The following NEDD9 variants were observed in gnomAD, a reference collection of about 807,000 sequenced individuals.
The protein encoded by NEDD9 is enhancer of filamentation 1.
In NEDD9, 26 loss-of-function variants were observed where a neutral mutation model predicts 76.6. That is an observed-to-expected ratio of 0.34 (90% CI 0.25 to 0.47). The LOEUF (loss-of-function observed/expected upper bound fraction) is 0.47, where lower values mean the gene tolerates loss of function less well. Among genes scored for constraint, NEDD9 ranks in the 20% least tolerant of loss-of-function variants. The pLI, the probability that NEDD9 is intolerant of heterozygous loss-of-function variation, is 1.00. For synonymous variants in NEDD9, 392 were observed against 414.2 expected, an observed-to-expected ratio of 0.95 and a Z score of 0.65; for missense variants, 937 against 1,058.5, an observed-to-expected ratio of 0.89 and a Z score of 1.59.
At chr6:11,284,456 C>T (rs140048483) in intron 3 of NEDD9, among the ~76,000 whole-genome samples, 1,686 of 147,574 alleles carry the variant, frequency 0.011, 35 homozygotes, top group African/African-American at 0.04. Context: ...GTCCCAGCTA[C>T]TAGGGAGGCT....
chr6:11,368,336 G>C (rs1328201153), intron 1 of NEDD9, among the ~76,000 whole-genome samples: 1 of 152,204 alleles, frequency 6.6e-6, no homozygotes, highest in African/African-American at 2.4e-5. Context: ...CATTAGCACA[G>C]AAAAATTAAG....
intron 3 of NEDD9, among the ~76,000 whole-genome samples, chr6:11,268,598 G>T (rs12213762): frequency 6.6e-6 from 1 of 151,642 alleles, no homozygotes. Context: ...CGTGATGGCA[G>T]GCACCTGTAA....
chr6:11,355,909 G>C (rs192871367), intron 1 of NEDD9, among the ~76,000 whole-genome samples: 1 of 151,964 alleles, frequency 6.6e-6, no homozygotes, highest in Admixed American at 6.6e-5. Context: ...TTTTAGTAGA[G>C]ACGGGGTTTC....
At chr6:11,364,442 G>A (rs949559614) in intron 1 of NEDD9, among the ~76,000 whole-genome samples, 2 of 152,108 alleles carry the variant, frequency 1.3e-5, no homozygotes, top group African/African-American at 4.8e-5. Context: ...GGGTGGCCTT[G>A]GGAATTCCCC....
chr6:11,194,974 A>G (rs1202618078), intron 2 of NEDD9, among the ~76,000 whole-genome samples: 1 of 152,224 alleles, frequency 6.6e-6, no homozygotes, highest in African/African-American at 2.4e-5. Flanking sequence ...TGCCCACGAC[A>G]TCTTTGAGGA....
At chr6:11,232,431 A>G in intron 1 of NEDD9, 73 bp downstream of exon 1, 1 of 1,568,996 alleles carries the variant, frequency 6.4e-7, no homozygotes, top group African/African-American at 1.3e-5. Flanking sequence ...AGTAAGGAAC[A>G]CGCATACACA....
At chr6:11,287,386 T>C (rs4711226) in intron 3 of NEDD9, among the ~76,000 whole-genome samples, 35,312 of 151,934 alleles carry the variant, frequency 0.23, 5,332 homozygotes, top group African/African-American at 0.44. Context: ...TGAAATGGTG[T>C]CACTGTATGC....
chr6:11,255,860 G>C (rs1162105339), intron 3 of NEDD9, among the ~76,000 whole-genome samples: 6 of 152,162 alleles, frequency 3.9e-5, no homozygotes, highest in African/African-American at 1.4e-4. Flanking sequence ...AAGGGAACCA[G>C]AGAGCTATAA....
chr6:11,209,180 G>A (rs1010224767), intron 2 of NEDD9, among the ~76,000 whole-genome samples: 1 of 152,126 alleles, frequency 6.6e-6, no homozygotes, highest in African/African-American at 2.4e-5. Flanking sequence ...TGACCTAAAT[G>A]TTTATTAATT....
At chr6:11,255,423 G>A (rs1759984680) in intron 3 of NEDD9, among the ~76,000 whole-genome samples, 1 of 152,226 alleles carries the variant, frequency 6.6e-6, no homozygotes, top group African/African-American at 2.4e-5. Context: ...GGTGGTGTAT[G>A]AGGCATGATC....
rs1268995832 is a variant in NEDD9 at position 11,370,516 on chromosome 6, C to T, written c.-214+11623G>A. ...TTCCCTCACCGACCCACTAGGTGCA[C>T]AAGGCTCTCCTCAAGCCGCCTTTTC... On this transcript the variant is annotated intron_variant, in intron 1 of 3. Transcript: ENST00000397378. This position sits in a 1 kb window ranked among gnomAD's most constrained non-coding sequence, Gnocchi z 4.2. 6.6e-6 allele frequency among the ~76,000 whole-genome samples: 1 copy of T among 152,164 alleles called. No individual in the cohort carries two copies. The highest frequency in any genetic ancestry group is 1.5e-5 in the Non-Finnish European group (1 of 68,018).
chr6:11,368,442 A>G (rs1300354266), intron 1 of NEDD9, among the ~76,000 whole-genome samples: 1 of 152,178 alleles, frequency 6.6e-6, no homozygotes, highest in East Asian at 1.9e-4. Flanking sequence ...ATACGCTACT[A>G]ATCAACACAC....
At chr6:11,188,501 A>G (rs1367621134) in intron 5 of NEDD9, among the ~76,000 whole-genome samples, 194 bp from the exon 6 acceptor site, 1 of 152,196 alleles carries the variant, frequency 6.6e-6, no homozygotes, top group African/African-American at 2.4e-5. Flanking sequence ...ATAGGGTGCC[A>G]GCTTTCTGGG....
At chr6:11,228,622 AG>A (rs5874312) in intron 1 of NEDD9, among the ~76,000 whole-genome samples, 127,814 of 151,846 alleles carry the variant, frequency 0.84, 53,962 homozygotes, top group East Asian at 0.92. Flanking sequence ...TTCTGAGAAC[AG>A]GGACTGACGT....
At chr6:11,329,355 C>T (rs977756813) in intron 2 of NEDD9, among the ~76,000 whole-genome samples, 3 of 152,158 alleles carry the variant, frequency 2.0e-5, no homozygotes, top group Admixed American at 2.0e-4. Context: ...GAGTGAAGCC[C>T]GGGGCAACTC....
Position 11,232,602 on chromosome 6 carries a change from G to C in NEDD9, c.-87C>G. The C allele has an allele frequency of 6.2e-7, 1 of 1,609,348 alleles. No homozygotes were observed. Among genetic ancestry groups the C allele is most frequent in the Non-Finnish European group, 8.5e-7 (1 of 1,177,826 alleles). On this transcript the variant is annotated 5_prime_UTR_variant, in exon 1 of 7. Coordinates refer to ENST00000379446, the MANE Select transcript of NEDD9 (RefSeq NM_006403.4). ...TGCCCGCCCCTCCATTGAGTGCAGC[G>C]CTAGATGAAAGCGAGAAGGTCCCGG...
chr6:11,347,291 C>A (rs1762380647), intron 1 of NEDD9, among the ~76,000 whole-genome samples: 1 of 152,130 alleles, frequency 6.6e-6, no homozygotes, highest in Non-Finnish European at 1.5e-5. Context: ...AATCCCCAGC[C>A]TCCTACAAAC....
chr6:11,374,692 G>A (rs1762943805), intron 1 of NEDD9, among the ~76,000 whole-genome samples: 1 of 152,168 alleles, frequency 6.6e-6, no homozygotes, highest in Non-Finnish European at 1.5e-5. Flanking sequence ...ATGAAATTTG[G>A]TTCTCTTCAG....
chr6:11,198,093 C>T lies in NEDD9; in HGVS notation c.460-4401G>A, dbSNP rs977966112. On this transcript the variant is annotated intron_variant, in intron 2 of 6. Transcript: ENST00000379446. The surrounding 1 kb of genome is among the most constrained non-coding windows in gnomAD (Gnocchi z 4.7). The stretch of plus-strand genomic sequence containing the variant: ...AGGCTTTGGTGCCGGGGAGACAGAA[C>T]TCCTTCTACCGAAAGAGGGAAGACA... 2.0e-5 allele frequency among the ~76,000 whole-genome samples: 3 copies of T among 152,144 alleles called. No individual in the cohort carries two copies. The highest frequency in any genetic ancestry group is 6.6e-5 in the Admixed American group (1 of 15,264).
Sources: allele counts gnomAD v4.1 joint callset (sites outside exome capture counted in the v4.1 genomes callset), GRCh38; gene constraint gnomAD v4.1.1; non-coding constraint Gnocchi (gnomAD v3.1); transcripts MANE v1.5; gene names NCBI Gene and HGNC (gene_info 2026-07-23, HGNC 2026-07-21).